Variants in ARHGAP44 observed in about 807,000 individuals in gnomAD.
ARHGAP44 encodes the protein rho GTPase-activating protein 44.
Under a neutral mutation model 106.8 loss-of-function variants are expected in ARHGAP44, and 43 were observed. That is an observed-to-expected ratio of 0.40 (90% CI 0.32 to 0.52). The LOEUF is 0.52. Ranked by LOEUF, ARHGAP44 falls within the 20% of genes least tolerant of loss-of-function variation. The probability of loss-of-function intolerance (pLI) is 0.48; values close to 1 mark genes in which losing one functional copy is unlikely to be tolerated. For missense variants in ARHGAP44, 866 were observed against 1,050.5 expected (o/e 0.82, Z 2.43); for synonymous variants, 439 against 410.3 (o/e 1.07, Z -0.85).
intron 18 of ARHGAP44, among the ~76,000 whole-genome samples, chr17:12,979,685 C>T (rs1011814657): frequency 2.6e-5 from 4 of 152,228 alleles, no homozygotes; most frequent in Non-Finnish European, 4.4e-5. Flanking sequence ...AGGAAAAGCA[C>T]TTTGGTGTTC....
At chr17:12,962,896 T>C (rs1231011931) in intron 16 of ARHGAP44, among the ~76,000 whole-genome samples, 2 of 151,746 alleles carry the variant, frequency 1.3e-5, no homozygotes, top group African/African-American at 2.4e-5. Context: ...AAATACAAAA[T>C]TGGCCAGGCA....
intron 7 of ARHGAP44, among the ~76,000 whole-genome samples, chr17:12,939,819 A>G (rs1290737393): frequency 1.3e-5 from 2 of 152,204 alleles, no homozygotes; most frequent in Admixed American, 6.5e-5. Flanking sequence ...TGGACCAAGC[A>G]TAACATTGTC....
chr17:12,914,721 A>G (rs981268575), intron 4 of ARHGAP44, among the ~76,000 whole-genome samples: 1 of 150,122 alleles, frequency 6.7e-6, no homozygotes, highest in Non-Finnish European at 1.5e-5. Flanking sequence ...GCTTGAACCC[A>G]GGAGGCGGAG....
intron 3 of ARHGAP44, among the ~76,000 whole-genome samples, chr17:12,905,551 C>G (rs552885118): frequency 1.3e-5 from 2 of 152,238 alleles, no homozygotes; most frequent in African/African-American, 4.8e-5. Context: ...TGATCTTGAC[C>G]TTCGTTCATT....
At chr17:12,898,111 C>G (rs1463697483) in intron 3 of ARHGAP44, among the ~76,000 whole-genome samples, 1 of 152,032 alleles carries the variant, frequency 6.6e-6, no homozygotes. Context: ...AGGGGAAGCT[C>G]TAGGGTTGGT....
chr17:12,929,796 T>C (rs138930676), intron 7 of ARHGAP44, among the ~76,000 whole-genome samples: 36 of 152,326 alleles, frequency 2.4e-4, no homozygotes, highest in African/African-American at 7.7e-4. Flanking sequence ...ATCACATTTC[T>C]GTAACTATTC....
At chr17:12,837,469 C>T (rs974830338) in intron 1 of ARHGAP44, among the ~76,000 whole-genome samples, 1 of 152,114 alleles carries the variant, frequency 6.6e-6, no homozygotes, top group African/African-American at 2.4e-5. Context: ...GCATGCTGGA[C>T]TCAAATCCCA....
In ARHGAP44 at chr17:12,958,856, C is replaced by T. The variant is rs766969222; in HGVS notation, c.1482C>T (p.Val494=). The T allele has an allele frequency of 1.4e-5, 23 of 1,611,546 alleles. No individual in the cohort carries two copies. Among genetic ancestry groups the T allele is most frequent in the South Asian group, 8.8e-5 (8 of 90,614 alleles). Residue 494 remains valine, a synonymous_variant, in exon 16 of 21, where the codon GTC becomes GTT. Transcript: ENST00000379672. This position sits in a 1 kb window ranked among gnomAD's most constrained non-coding sequence, Gnocchi z 4.1. ...QPEQARRPLS[V]ATDNMMLEFY... Reference sequence around the variant, plus strand: ...AGCAGGCCCGCCGGCCCCTCAGCGTCGCCACGGATAATATGATGCTGGAGT... The same window carrying T: ...AGCAGGCCCGCCGGCCCCTCAGCGTTGCCACGGATAATATGATGCTGGAGT...
intron 19 of ARHGAP44, chr17:12,982,705 T>G (rs1172873301): frequency 6.6e-6 from 1 of 152,208 alleles, no homozygotes; most frequent in Non-Finnish European, 1.5e-5. Context: ...GAGAAAATCT[T>G]TTTCCTCCAA....
chr17:12,941,514 C>T (rs1025144049), intron 8 of ARHGAP44, among the ~76,000 whole-genome samples: 3 of 152,082 alleles, frequency 2.0e-5, no homozygotes, highest in African/African-American at 7.2e-5. Context: ...AGCCCCCACA[C>T]CAATGAATTA....
intron 1 of ARHGAP44, among the ~76,000 whole-genome samples, chr17:12,835,940 C>G (rs920067072): frequency 7.9e-5 from 12 of 152,256 alleles, no homozygotes; most frequent in African/African-American, 2.4e-4. Flanking sequence ...AGCATAATAT[C>G]CTCAAGTTTT....
At position 12,949,231 on chromosome 17, in the gene ARHGAP44, C is replaced by T. The variant is rs1036789314; in HGVS notation, c.953C>T (p.Ala318Val). 4 of 1,566,412 alleles carry T rather than the reference C, an allele frequency of 2.6e-6. No homozygotes were observed. The African/African-American group carries it at 4.1e-5, about 16-fold the overall frequency. ...GTGGTGGATGTGCAGGAGTACTCGG[C>T]AGACCCCCACGCAATTGCAGGTGGG... ...CCVVDVQEYS[A>V]DPHAIAGALK... The change falls in exon 11 of 21, where the codon GCA becomes GTA. Residue 318 changes from alanine (A) to valine (V), a missense_variant. Physicochemically the swap from Ala to Val is moderately conservative, Grantham distance 64 (BLOSUM62 0). This residue lies in a region of ARHGAP44 where 448 missense variants were observed against 646.9 expected (regional missense o/e 0.69). Transcript: ENST00000379672. The surrounding 1 kb of genome is among the most constrained non-coding windows in gnomAD (Gnocchi z 4.1).
intron 7 of ARHGAP44, among the ~76,000 whole-genome samples, chr17:12,939,136 C>G (rs954297722): frequency 6.6e-6 from 1 of 152,186 alleles, no homozygotes; most frequent in Non-Finnish European, 1.5e-5. Context: ...TGATTCCCAC[C>G]TTGGCAGCCT....
At chr17:12,896,343 C>T (rs2037204522) in intron 2 of ARHGAP44, 64 bp from the exon 3 acceptor site, 2 of 1,374,410 alleles carry the variant, frequency 1.5e-6, no homozygotes, top group Admixed American at 4.0e-5. Context: ...TTGTCCACAC[C>T]CACAATCCCT....
At chr17:12,970,681 T>C (rs1162003892) in intron 16 of ARHGAP44, among the ~76,000 whole-genome samples, 5 of 152,226 alleles carry the variant, frequency 3.3e-5, no homozygotes, top group African/African-American at 1.2e-4. Context: ...GTTTTATTAA[T>C]TCCACTTCTT....
At chr17:12,804,414 G>A (rs1318751173) in intron 1 of ARHGAP44, among the ~76,000 whole-genome samples, 3 of 152,176 alleles carry the variant, frequency 2.0e-5, no homozygotes, top group Non-Finnish European at 2.9e-5. Context: ...AGTTGGACGT[G>A]GGGATAGCCT....
chr17:12,898,178 A>G (rs11652958), intron 3 of ARHGAP44, among the ~76,000 whole-genome samples: 76,940 of 151,818 alleles, frequency 0.51, 19,658 homozygotes, highest in East Asian at 0.54. Context: ...TCTGCAGCAG[A>G]TATAGGATTG....
At chr17:12,803,488 C>CT in intron 1 of ARHGAP44, among the ~76,000 whole-genome samples, 1 of 152,148 alleles carries the variant, frequency 6.6e-6, no homozygotes, top group East Asian at 1.9e-4. Context: ...TCTGTTTCTC[C>CT]TTTTTAATTT....
intron 1 of ARHGAP44, among the ~76,000 whole-genome samples, chr17:12,840,980 C>A (rs2035373624): frequency 6.6e-6 from 1 of 152,130 alleles, no homozygotes; most frequent in Non-Finnish European, 1.5e-5. Context: ...TGGCCTGGTA[C>A]CCTCATAGTG....
Sources: gnomAD v4.1 joint callset for allele counts (sites outside exome capture counted in the v4.1 genomes callset) on GRCh38, gnomAD v4.1.1 for gene constraint, gnomAD v4.1.1 regional missense constraint, Gnocchi (gnomAD v3.1) non-coding constraint, MANE v1.5 for transcripts, NCBI Gene and HGNC (gene_info 2026-07-23, HGNC 2026-07-21) for gene names.